CDC20: variants seen among roughly 807,000 people sequenced by gnomAD.
CDC20 encodes cell division cycle 20, also known as cell division cycle protein 20 homolog.
CDC20 carries 34 observed loss-of-function variants against 60.0 expected under a neutral mutation model. The observed-to-expected ratio is 0.57, with a 90% CI of 0.43 to 0.75. The LOEUF (loss-of-function observed/expected upper bound fraction) is 0.75. CDC20 is among the 30% of genes least tolerant of loss of function. CDC20 has a pLI of 0.00. For missense variants in CDC20, 469 were observed against 647.3 expected (o/e 0.72, Z 2.99); for synonymous variants, 198 against 243.5 (o/e 0.81, Z 1.74).
At position 43,363,068 on chromosome 1, in the gene CDC20, G is replaced by A. The variant is rs550872587; in HGVS notation, c.1439G>A (p.Arg480Gln). Reference protein sequence around the residue: ...WRCFELDPARRREREKASAAK... With the variant: ...WRCFELDPARQREREKASAAK... ...TGTTTTGAGTTGGACCCTGCGCGGC[G>A]GCGGGAGCGGGAGAAGGCCAGTGCA... The change falls in exon 11 of 11, where the codon CGG (arginine) becomes CAG (glutamine). Residue 480 changes from arginine to glutamine, a missense_variant. Arg to Gln is a conservative substitution (Grantham distance 43, BLOSUM62 1). Transcript: ENST00000310955. The A allele has an allele frequency of 1.1e-5, 18 of 1,613,600 alleles. No homozygotes were observed. Among genetic ancestry groups the A allele is most frequent in the South Asian group, 2.2e-5 (2 of 90,928 alleles).
chr1:43,361,595 T>C (rs1647172995), intron 9 of CDC20, among the ~76,000 whole-genome samples: 1 of 152,206 alleles, frequency 6.6e-6, no homozygotes, highest in Admixed American at 6.5e-5. Context: ...CCTCAAAATA[T>C]CATTGACATC....
At position 43,362,271 on chromosome 1, in the gene CDC20, T is replaced by G. The variant is rs1253080127; in HGVS notation, c.1280T>G (p.Ile427Ser). ...GHGFAQNQLVIWKYPTMAKVA... is the reference protein window; with the variant it reads ...GHGFAQNQLVSWKYPTMAKVA... ...GGCTTTGCACAGAACCAGCTAGTTA[T>G]TTGGAAGTACCCAACCATGGCCAAG... Residue 427 changes from isoleucine to serine, a missense_variant, in exon 10 of 11, where the codon ATT becomes AGT. By Grantham distance (142) the Ile-to-Ser change is moderately radical. Around this residue, in one of 5 missense-constraint regions of CDC20, gnomAD observed 20 missense variants for 55.8 expected, o/e 0.36. Coordinates refer to ENST00000310955, the MANE Select transcript of CDC20 (RefSeq NM_001255.3). 1 of 1,608,246 alleles carries G rather than the reference T, an allele frequency of 6.2e-7. No individual in the cohort carries two copies. The highest frequency in any genetic ancestry group is 8.5e-7 in the Non-Finnish European group (1 of 1,174,728).
rs111904915 is a variant in CDC20, at chr1:43,359,456, C to T, written c.182-34C>T. 6.3e-4 allele frequency: 1,011 copies of T among 1,613,488 alleles called. 8 individuals carry two copies. In the African/African-American group the frequency reaches 0.012, roughly 19 times the overall value. On this transcript the variant is annotated intron_variant, in intron 2 of 10. Coordinates refer to ENST00000310955, the MANE Select transcript of CDC20 (RefSeq NM_001255.3). ...GCCTTCATACTTTCTCCCTGGGGAG[C>T]CTGGTCAGACTGTCTTCTCTTTCTC... is the stretch of plus-strand genomic sequence containing the variant.
At chr1:43,360,627 T>TCA (rs779565301) in intron 7 of CDC20, 34 bp downstream of exon 7, 3 of 1,591,508 alleles carry the variant, frequency 1.9e-6, no homozygotes, top group Non-Finnish European at 2.6e-6. Flanking sequence ...GGTAGTCTGA[T>TCA]ATTTGCCCAC....
At chr1:43,362,694 C>G (rs1405685967) in intron 10 of CDC20, among the ~76,000 whole-genome samples, 1 of 152,106 alleles carries the variant, frequency 6.6e-6, no homozygotes, top group East Asian at 1.9e-4. Flanking sequence ...GAAGCCCTGT[C>G]TCTACTAAAA....
intron 9 of CDC20, 80 bp downstream of exon 9, chr1:43,361,325 C>CT: frequency 7.3e-7 from 1 of 1,367,150 alleles, no homozygotes; most frequent in Non-Finnish European, 9.9e-7. Context: ...TTCACCAACT[C>CT]TATGCCCTGG....
chr1:43,362,814 A>C, intron 10 of CDC20, 137 bp from the exon 11 acceptor site: 3 of 656,580 alleles, frequency 4.6e-6, no homozygotes, highest in Middle Eastern at 2.7e-4. Flanking sequence ...GCAGTGAGCC[A>C]AGATTGCGCC....
intron 6 of CDC20, 40 bp downstream of exon 6, chr1:43,360,429 T>C (rs747555792): frequency 6.2e-7 from 1 of 1,610,308 alleles, no homozygotes; most frequent in African/African-American, 1.3e-5. Flanking sequence ...CCAGTCCCAA[T>C]GGGCTTGCAC....
chr1:43,361,257 C>G lies in CDC20; in HGVS notation c.1203+12C>G. 6.4e-7 allele frequency: 1 copy of G among 1,572,780 alleles called. No homozygotes were observed. The highest frequency in any genetic ancestry group is 8.6e-7 in the Non-Finnish European group (1 of 1,158,732). On this transcript the variant is annotated intron_variant, in intron 9 of 10. Coordinates refer to ENST00000310955, the MANE Select transcript of CDC20 (RefSeq NM_001255.3). The stretch of plus-strand genomic sequence containing the variant: ...ATGCCCATTCCCAGGTAATCTTTTG[C>G]CTGTTCCTGCCTCTCCCACATGCAT...
In CDC20 at chr1:43,362,940, A is replaced by T; in HGVS notation, c.1322-11A>T. ...ATCAGCATTCGTATGTACTGTTCTC[A>T]TTTGCTCCAGGTCACACATCCCGGG... On this transcript the variant is annotated splice_polypyrimidine_tract_variant and intron_variant, in intron 10 of 10. Transcript: ENST00000310955. 1 of 1,582,376 alleles carries T rather than the reference A, an allele frequency of 6.3e-7. No homozygotes were observed. Among genetic ancestry groups the T allele is most frequent in the Non-Finnish European group, 8.6e-7 (1 of 1,168,098 alleles).
intron 8 of CDC20, 55 bp from the exon 9 acceptor site, chr1:43,361,065 C>G: frequency 6.2e-7 from 1 of 1,612,402 alleles, no homozygotes; most frequent in Non-Finnish European, 8.5e-7. Context: ...TCTGTGACCC[C>G]TAGAGCTCCT....
Position 43,359,978 on chromosome 1 carries a change from A to G in CDC20, c.437A>G (p.Asn146Ser). Residue 146 changes from asparagine (N) to serine (S), a missense_variant, in exon 5 of 11, where the codon AAC becomes AGC. Around this residue, in one of 5 missense-constraint regions of CDC20, gnomAD observed 255 missense variants for 326.7 expected, o/e 0.78. Transcript: ENST00000310955. ...CACTCCGTTGCCACAGGTTATCAGA[A>G]CAGACTGAAAGTACTCTACAGCCAA... ...KPQNAPEGYQ[N>S]RLKVLYSQKA... 1 of 1,614,178 alleles carries G rather than the reference A, an allele frequency of 6.2e-7. No homozygotes were observed.
chr1:43,361,823 C>G (rs1013215063), intron 9 of CDC20, among the ~76,000 whole-genome samples: 2 of 152,218 alleles, frequency 1.3e-5, no homozygotes, highest in Non-Finnish European at 2.9e-5. Flanking sequence ...CCACTCCCCC[C>G]ACATTCAGCC....
chr1:43,359,830 C>T lies in CDC20; in HGVS notation c.427+9C>T. On this transcript the variant is annotated intron_variant, in intron 4 of 10. Transcript: ENST00000310955. ...ACAAAATGCGCCAGAGGGTAAGACC[C>T]GAAGTTCCTGGTTCCTGGAGGGAGG... 7 of 1,613,466 alleles carry T rather than the reference C, an allele frequency of 4.3e-6. No individual in the cohort carries two copies. Among genetic ancestry groups the T allele is most frequent in the Non-Finnish European group, 5.9e-6 (7 of 1,179,710 alleles).
intron 1 of CDC20, 78 bp downstream of exon 1, chr1:43,359,084 G>A (rs1420378945): frequency 3.3e-6 from 3 of 911,236 alleles, no homozygotes; most frequent in East Asian, 4.9e-5. Context: ...GGCTGCAGCC[G>A]AGGGTGGCCC....
chr1:43,360,497 A>T lies in CDC20; in HGVS notation c.754-2A>T. 6.2e-7 allele frequency: 1 copy of T among 1,613,662 alleles called. No homozygotes were observed. Among genetic ancestry groups the T allele is most frequent in the Non-Finnish European group, 8.5e-7 (1 of 1,179,560 alleles). ...CTGATCCTAGTGGGCTTCTCTCTCT[A>T]GCTATGGGATGTGCAGCAGCAGAAA... On this transcript the variant is annotated splice_acceptor_variant, in intron 6 of 10. Transcript: ENST00000310955. LOFTEE classifies it high-confidence loss of function.
At chr1:43,359,105 GC>G in intron 1 of CDC20, 61 bp from the exon 2 acceptor site, 1 of 1,156,984 alleles carries the variant, frequency 8.6e-7, no homozygotes, top group African/African-American at 1.5e-5. Context: ...TGATTTTGTG[GC>G]CGGCCAGGAG....
At position 43,360,415 on chromosome 1, in the gene CDC20, C is replaced by G. The variant is rs1351910031; in HGVS notation, c.753+26C>G. The G allele has an allele frequency of 5.6e-6, 9 of 1,612,358 alleles. No homozygotes were observed. The East Asian group carries it at 2.0e-4, about 36-fold the overall frequency. ...GTGAGACGTGTCCAGTGCTGTCATT[C>G]TCACCAGTCCCAATGGGCTTGCACA... On this transcript the variant is annotated intron_variant, in intron 6 of 10. Transcript: ENST00000310955.
intron 10 of CDC20, 60 bp downstream of exon 10, chr1:43,362,372 C>A: frequency 1.3e-6 from 1 of 742,518 alleles, no homozygotes; most frequent in Non-Finnish European, 2.5e-6. Context: ...CTGAAATGTC[C>A]AGAATAAGCA....
Sources: gnomAD v4.1 joint callset for allele counts (sites outside exome capture counted in the v4.1 genomes callset) on GRCh38, gnomAD v4.1.1 for gene constraint, gnomAD v4.1.1 regional missense constraint, MANE v1.5 for transcripts, NCBI Gene and HGNC (gene_info 2026-07-23, HGNC 2026-07-21) for gene names.